LUZP2: variants seen among roughly 807,000 people sequenced by gnomAD.
LUZP2 encodes the protein leucine zipper protein 2.
LUZP2 carries 52 observed loss-of-function variants against 51.6 expected under a neutral mutation model. The ratio of observed to expected loss-of-function variants is 1.01; its 90% CI spans 0.81 to 1.27. The LOEUF is 1.27. Among genes scored for constraint, LUZP2 ranks in the 50% most tolerant of loss-of-function variants. The probability of loss-of-function intolerance (pLI) is 0.00; values close to 1 mark genes in which losing one functional copy is unlikely to be tolerated. For synonymous variants in LUZP2, 154 were observed against 137.3 expected, an observed-to-expected ratio of 1.12 and a Z score of -0.85; for missense variants, 436 against 395.4, an observed-to-expected ratio of 1.10 and a Z score of -0.87.
chr11:24,938,039 CCAGGGGAGAAT>C (rs1854641076), intron 7 of LUZP2, among the ~76,000 whole-genome samples: 1 of 152,028 alleles, frequency 6.6e-6, no homozygotes, highest in Admixed American at 6.6e-5. Flanking sequence ...ACCTTTGAAG[CCAGGGGAGAAT>C]CAGTTTATCT....
intron 1 of LUZP2, among the ~76,000 whole-genome samples, chr11:24,558,048 G>T (rs1482087364): frequency 6.6e-6 from 1 of 152,102 alleles, no homozygotes; most frequent in African/African-American, 2.4e-5. Context: ...CATTCAAACA[G>T]CTGGGAGTCA....
At chr11:24,919,591 C>G (rs1166414324) in intron 7 of LUZP2, among the ~76,000 whole-genome samples, 2 of 144,822 alleles carry the variant, frequency 1.4e-5, no homozygotes, top group African/African-American at 5.0e-5. Context: ...CACAGGATAG[C>G]TTTTAATTTT....
At chr11:25,019,900 C>T (rs1015357301) in intron 9 of LUZP2, among the ~76,000 whole-genome samples, 1 of 147,404 alleles carries the variant, frequency 6.8e-6, no homozygotes, top group African/African-American at 2.7e-5. Flanking sequence ...CACATATTGG[C>T]ATATTGTTTT....
At chr11:24,750,671 T>C (rs1250072722) in intron 4 of LUZP2, among the ~76,000 whole-genome samples, 1 of 152,172 alleles carries the variant, frequency 6.6e-6, no homozygotes, top group East Asian at 1.9e-4. Flanking sequence ...GGCAACTTTT[T>C]TTATGAGTAG....
intron 1 of LUZP2, among the ~76,000 whole-genome samples, chr11:24,563,616 G>T (rs1852126386): frequency 6.6e-6 from 1 of 151,706 alleles, no homozygotes; most frequent in Non-Finnish European, 1.5e-5. Context: ...TTGATTGTCG[G>T]CACAGTCATA....
chr11:24,519,712 GT>G (rs1405303435), intron 1 of LUZP2, among the ~76,000 whole-genome samples: 2 of 152,158 alleles, frequency 1.3e-5, no homozygotes, highest in African/African-American at 4.8e-5. Flanking sequence ...CTATTTTGAT[GT>G]GAAGAATTGC....
At position 24,523,516 on chromosome 11, in the gene LUZP2, G is replaced by A. The variant is rs187191104; in HGVS notation, c.62+26211G>A. Among the ~76,000 whole-genome samples the A allele has an allele frequency of 2.1e-3, 319 of 149,410 alleles. 1 individual carries two copies. The highest frequency in any genetic ancestry group is 3.7e-3 in the Non-Finnish European group (250 of 67,280). Reference sequence around the variant, plus strand: ...TTTTTTACAAAAAAAAGAATACTTCGTTGATTTTCTTAATTCACAAATAAT... The same window carrying A: ...TTTTTTACAAAAAAAAGAATACTTCATTGATTTTCTTAATTCACAAATAAT... On this transcript the variant is annotated intron_variant, in intron 1 of 11. Coordinates refer to ENST00000336930, the MANE Select transcript of LUZP2 (RefSeq NM_001009909.4).
At chr11:24,921,194 C>G (rs1445126589) in intron 7 of LUZP2, among the ~76,000 whole-genome samples, 1 of 151,980 alleles carries the variant, frequency 6.6e-6, no homozygotes, top group Non-Finnish European at 1.5e-5. Flanking sequence ...AACAGCTCCC[C>G]CATACAGAGA....
At chr11:24,553,950 A>T (rs1293499184) in intron 1 of LUZP2, among the ~76,000 whole-genome samples, 2 of 152,168 alleles carry the variant, frequency 1.3e-5, no homozygotes, top group Non-Finnish European at 2.9e-5. Flanking sequence ...TTCTCTCTAA[A>T]GTTCCGCGAA....
At chr11:24,842,653 C>T (rs142615285) in intron 5 of LUZP2, among the ~76,000 whole-genome samples, 1,981 of 151,606 alleles carry the variant, frequency 0.013, 19 homozygotes, top group Middle Eastern at 0.054. Context: ...TTGGCTTAGA[C>T]GCAAATACTT....
At chr11:24,598,242 T>A (rs1369058362) in intron 1 of LUZP2, among the ~76,000 whole-genome samples, 1 of 152,168 alleles carries the variant, frequency 6.6e-6, no homozygotes, top group Non-Finnish European at 1.5e-5. Context: ...TGAGAGTTAT[T>A]TCCCCCAAGA....
chr11:24,598,414 T>G (rs1190081517), intron 1 of LUZP2, among the ~76,000 whole-genome samples: 2 of 152,094 alleles, frequency 1.3e-5, no homozygotes, highest in Non-Finnish European at 2.9e-5. Context: ...GAGAGTTTCC[T>G]AAAAGTAGGG....
chr11:24,846,362 G>A (rs1851199933), intron 5 of LUZP2, among the ~76,000 whole-genome samples: 1 of 151,458 alleles, frequency 6.6e-6, no homozygotes, highest in African/African-American at 2.4e-5. Context: ...AAGAAACAGA[G>A]AACTAAAAAA....
intron 5 of LUZP2, among the ~76,000 whole-genome samples, chr11:24,784,716 G>T (rs1849190041): frequency 6.6e-6 from 1 of 152,010 alleles, no homozygotes; most frequent in Non-Finnish European, 1.5e-5. Flanking sequence ...CAATATGAAA[G>T]GAATGCTTCT....
chr11:24,816,286 T>C (rs1171198040), intron 5 of LUZP2, among the ~76,000 whole-genome samples: 2 of 152,012 alleles, frequency 1.3e-5, no homozygotes, highest in Admixed American at 1.3e-4. Context: ...AAAATCTTTT[T>C]TTTTCAGCTT....
At chr11:24,870,674 T>C (rs2134266202) in intron 5 of LUZP2, among the ~76,000 whole-genome samples, 1 of 152,310 alleles carries the variant, frequency 6.6e-6, no homozygotes, top group South Asian at 2.1e-4. Flanking sequence ...TGCTGCTAGC[T>C]TGAAAATTAC....
At chr11:24,936,911 C>A (rs1854602190) in intron 7 of LUZP2, among the ~76,000 whole-genome samples, 1 of 152,184 alleles carries the variant, frequency 6.6e-6, no homozygotes, top group South Asian at 2.1e-4. Flanking sequence ...ATTGCTACTA[C>A]TCCTCCACAA....
intron 5 of LUZP2, among the ~76,000 whole-genome samples, chr11:24,860,780 C>A (rs1049511840): frequency 6.6e-6 from 1 of 152,132 alleles, no homozygotes; most frequent in East Asian, 1.9e-4. Flanking sequence ...ACAAAAGGCC[C>A]CCCCAAAAAC....
At chr11:24,543,611 A>G (rs1210862114) in intron 1 of LUZP2, among the ~76,000 whole-genome samples, 3 of 152,058 alleles carry the variant, frequency 2.0e-5, no homozygotes, top group African/African-American at 7.2e-5. Flanking sequence ...ACCTGAGGTC[A>G]GGAATTCAAG....
Sources: gnomAD v4.1 joint callset for allele counts (sites outside exome capture counted in the v4.1 genomes callset) on GRCh38, gnomAD v4.1.1 for gene constraint, MANE v1.5 for transcripts, NCBI Gene and HGNC (gene_info 2026-07-23, HGNC 2026-07-21) for gene names.